CPA6: variants seen among roughly 807,000 people sequenced by gnomAD.
CPA6 encodes the protein carboxypeptidase B.
A neutral mutation model predicts 63.3 loss-of-function variants in CPA6; 58 were observed. The ratio of observed to expected loss-of-function variants is 0.92; its 90% CI spans 0.74 to 1.14. The LOEUF is 1.14. CPA6 is among the 50% of genes most tolerant of loss of function. The probability of loss-of-function intolerance (pLI) is 0.00; values close to 1 mark genes in which losing one functional copy is unlikely to be tolerated. For missense variants in CPA6, 565 were observed against 526.6 expected (o/e 1.07, Z -0.71); for synonymous variants, 185 against 179.0 (o/e 1.03, Z -0.27).
intron 1 of CPA6, chr8:67,732,728 A>G (rs1009104568): frequency 6.6e-6 from 1 of 152,468 alleles, no homozygotes; most frequent in Non-Finnish European, 1.5e-5. Context: ...CAGAATAGAC[A>G]AAGGACAGAG....
chr8:67,558,134 C>A (rs1036260574), intron 2 of CPA6, among the ~76,000 whole-genome samples: 4 of 152,212 alleles, frequency 2.6e-5, no homozygotes, highest in Non-Finnish European at 5.9e-5. Context: ...CAGCTAAGCT[C>A]AGTTTGGCAA....
chr8:67,520,853 G>A (rs530449317), intron 2 of CPA6, among the ~76,000 whole-genome samples: 2 of 152,328 alleles, frequency 1.3e-5, no homozygotes, highest in African/African-American at 4.8e-5. Flanking sequence ...AGAAAAATAA[G>A]CATCTTCCAA....
At chr8:67,654,067 C>A (rs916131826) in intron 1 of CPA6, among the ~76,000 whole-genome samples, 1 of 152,128 alleles carries the variant, frequency 6.6e-6, no homozygotes, top group African/African-American at 2.4e-5. Context: ...TATATTGAAC[C>A]AGCCTTGCAT....
chr8:67,727,819 C>T (rs1263946443), intron 1 of CPA6, among the ~76,000 whole-genome samples: 3 of 152,182 alleles, frequency 2.0e-5, no homozygotes, highest in African/African-American at 7.2e-5. Flanking sequence ...TGGCTCATGC[C>T]TGTAATCCCA....
chr8:67,640,025 G>C (rs1301493086), intron 1 of CPA6, among the ~76,000 whole-genome samples: 1 of 151,356 alleles, frequency 6.6e-6, no homozygotes, highest in Non-Finnish European at 1.5e-5. Context: ...TCTCTCTGTA[G>C]CTGGTCGTCC....
chr8:67,589,803 T>A (rs903361108), intron 2 of CPA6, among the ~76,000 whole-genome samples: 2 of 152,094 alleles, frequency 1.3e-5, no homozygotes, highest in Admixed American at 6.5e-5. Context: ...TCCTTTGTCA[T>A]CCCTAAAGAA....
chr8:67,644,243 C>T (rs1256277655), intron 1 of CPA6, among the ~76,000 whole-genome samples: 1 of 152,090 alleles, frequency 6.6e-6, no homozygotes, highest in Non-Finnish European at 1.5e-5. Context: ...CTCAGCCTCC[C>T]GAGCAGCTGG....
At chr8:67,707,288 G>T (rs763556293) in intron 1 of CPA6, among the ~76,000 whole-genome samples, 2 of 152,172 alleles carry the variant, frequency 1.3e-5, no homozygotes, top group Non-Finnish European at 2.9e-5. Context: ...TAACCGCATG[G>T]ACTGAACTAA....
chr8:67,630,581 G>A (rs569171937), intron 1 of CPA6, among the ~76,000 whole-genome samples: 22 of 152,224 alleles, frequency 1.4e-4, no homozygotes, highest in African/African-American at 4.6e-4. Flanking sequence ...GGCAGCCCTC[G>A]CTCCCTCTCA....
chr8:67,514,742 C>A (rs549317308), intron 3 of CPA6, among the ~76,000 whole-genome samples: 18 of 152,130 alleles, frequency 1.2e-4, no homozygotes, highest in Non-Finnish European at 2.9e-5. Flanking sequence ...TTCTTTTCTA[C>A]TGAATAGTAA....
At chr8:67,628,655 C>T (rs1275521681) in intron 1 of CPA6, among the ~76,000 whole-genome samples, 1 of 152,180 alleles carries the variant, frequency 6.6e-6, no homozygotes, top group Non-Finnish European at 1.5e-5. Flanking sequence ...TTGCTTTTAT[C>T]TTTTACTTCA....
At chr8:67,676,955 T>C (rs1816487459) in intron 1 of CPA6, among the ~76,000 whole-genome samples, 1 of 152,198 alleles carries the variant, frequency 6.6e-6, no homozygotes, top group African/African-American at 2.4e-5. Context: ...TGTACGTATA[T>C]GTATATACAC....
intron 6 of CPA6, among the ~76,000 whole-genome samples, chr8:67,498,535 CAA>C (rs397940852): frequency 6.4e-3 from 211 of 33,138 alleles, no homozygotes; most frequent in African/African-American, 0.012. Context: ...GACTCCATCT[CAA>C]AAAAAAAAAA....
At chr8:67,491,763 C>G (rs1811610647) in intron 6 of CPA6, among the ~76,000 whole-genome samples, 1 of 152,184 alleles carries the variant, frequency 6.6e-6, no homozygotes, top group Non-Finnish European at 1.5e-5. Flanking sequence ...CTTATATACA[C>G]AAATTTGTTA....
At chr8:67,451,528 G>A (rs886319691) in intron 8 of CPA6, among the ~76,000 whole-genome samples, 2 of 152,158 alleles carry the variant, frequency 1.3e-5, no homozygotes, top group African/African-American at 4.8e-5. Flanking sequence ...ATATCACAAT[G>A]TAGTAATAAT....
intron 2 of CPA6, among the ~76,000 whole-genome samples, chr8:67,622,833 T>C (rs527546719): frequency 6.6e-5 from 10 of 152,338 alleles, no homozygotes; most frequent in Admixed American, 4.6e-4. Flanking sequence ...TGTTTGGTAA[T>C]CTGCTTTGCT....
chr8:67,484,056 TC>T (rs1410949965), intron 7 of CPA6, among the ~76,000 whole-genome samples, 198 bp from the exon 8 acceptor site: 1 of 147,976 alleles, frequency 6.8e-6, no homozygotes, highest in Non-Finnish European at 1.5e-5. Context: ...GCTACAAACT[TC>T]CTGTATTTTG....
intron 1 of CPA6, among the ~76,000 whole-genome samples, chr8:67,717,260 G>A (rs1817401564): frequency 6.6e-6 from 1 of 152,190 alleles, no homozygotes; most frequent in African/African-American, 2.4e-5. Context: ...AAATTGCACA[G>A]ATGAGAGAAA....
intron 1 of CPA6, among the ~76,000 whole-genome samples, chr8:67,640,098 G>T (rs919790056): frequency 5.3e-5 from 8 of 151,332 alleles, no homozygotes; most frequent in Admixed American, 3.3e-4. Flanking sequence ...GTGCCAGTTG[G>T]TCCATGGGCA....
Sources: allele counts gnomAD v4.1 joint callset (sites outside exome capture counted in the v4.1 genomes callset), GRCh38; gene constraint gnomAD v4.1.1; transcripts MANE v1.5; gene names NCBI Gene and HGNC (gene_info 2026-07-23, HGNC 2026-07-21).